Variants in SGSM3 observed in about 807,000 individuals in gnomAD.
SGSM3 encodes small G protein signaling modulator 3.
In SGSM3, 96 loss-of-function variants were observed where a neutral mutation model predicts 100.5. The observed-to-expected ratio is 0.96, with a 90% confidence interval of 0.81 to 1.13. The LOEUF (loss-of-function observed/expected upper bound fraction) is 1.13. Ranked by LOEUF, SGSM3 falls within the 50% of genes most tolerant of loss-of-function variation. The probability of loss-of-function intolerance (pLI) is 0.00; values close to 1 mark genes in which losing one functional copy is unlikely to be tolerated. For missense variants in SGSM3, 1,001 were observed against 1,015.8 expected, an observed-to-expected ratio of 0.99 and a Z score of 0.20; for synonymous variants, 483 against 422.8, an observed-to-expected ratio of 1.14 and a Z score of -1.75.
At chr22:40,371,743 C>T (rs545748848) in intron 1 of SGSM3, among the ~76,000 whole-genome samples, 3,107 of 151,994 alleles carry the variant, frequency 0.02, 118 homozygotes, top group African/African-American at 0.071. Context: ...CTTGCCCGGG[C>T]TGGAGTGCAA....
chr22:40,405,087 C>T, intron 6 of SGSM3, 54 bp from the exon 7 acceptor site: 1 of 1,463,312 alleles, frequency 6.8e-7, no homozygotes, highest in Non-Finnish European at 9.0e-7. Flanking sequence ...GTCTGCCTCC[C>T]TCCCAGGGTG....
intron 8 of SGSM3, 106 bp from the exon 9 acceptor site, chr22:40,405,972 G>GC: frequency 1.3e-6 from 2 of 1,502,984 alleles, no homozygotes; most frequent in Non-Finnish European, 1.8e-6. Context: ...GGTGTTCCCT[G>GC]CCCCCTCCCC....
intron 1 of SGSM3, among the ~76,000 whole-genome samples, chr22:40,380,381 T>C (rs911130774): frequency 2.6e-5 from 4 of 151,124 alleles, no homozygotes; most frequent in South Asian, 2.1e-4. Flanking sequence ...TTTTTTTTTT[T>C]CCTGAGACAG....
intron 10 of SGSM3, 156 bp from the exon 11 acceptor site, chr22:40,406,861 G>A (rs777163262): frequency 3.1e-5 from 28 of 913,308 alleles, no homozygotes; most frequent in South Asian, 1.5e-4. Flanking sequence ...ATCCTGGCAC[G>A]GTTTGGGAGG....
At chr22:40,400,875 T>A (rs2050656878) in intron 2 of SGSM3, 62 bp downstream of exon 2, 2 of 1,463,540 alleles carry the variant, frequency 1.4e-6, no homozygotes, top group East Asian at 5.2e-5. Flanking sequence ...GCCAGAGGGA[T>A]GGAAGGTGGC....
At chr22:40,386,024 T>C (rs1363614822) in intron 1 of SGSM3, among the ~76,000 whole-genome samples, 2 of 141,174 alleles carry the variant, frequency 1.4e-5, no homozygotes, top group Admixed American at 8.1e-5. Flanking sequence ...GCTAATTTTT[T>C]GTTTTTTTTT....
rs1461553532 is a variant in SGSM3 at position 40,370,700 on chromosome 22, G to A, written c.-112+12G>A. The A allele has an allele frequency of 6.6e-6, 1 of 152,640 alleles. No individual in the cohort carries two copies. Among genetic ancestry groups the A allele is most frequent in the Non-Finnish European group, 1.5e-5 (1 of 68,344 alleles). 9.5% of individuals were successfully genotyped at this position (152,640 alleles called of 1,614,324 possible). ...GGCCCGTGGGGCAGGTGAGTGCGGG[G>A]CGGGAGTCAGCGGAGACCCACCGGC... On this transcript the variant is annotated intron_variant, in intron 1 of 21. Coordinates refer to ENST00000248929, the MANE Select transcript of SGSM3 (RefSeq NM_015705.6).
At chr22:40,384,480 T>A (rs956643056) in intron 1 of SGSM3, among the ~76,000 whole-genome samples, 1 of 151,844 alleles carries the variant, frequency 6.6e-6, no homozygotes, top group Non-Finnish European at 1.5e-5. Context: ...TAAAAAAAAA[T>A]TAAAAAGAAA....
chr22:40,396,721 T>A (rs1052591801), intron 1 of SGSM3, among the ~76,000 whole-genome samples: 10 of 149,682 alleles, frequency 6.7e-5, no homozygotes, highest in African/African-American at 2.5e-4. Flanking sequence ...GTTAAGAAAA[T>A]AGGACACAGG....
At chr22:40,404,167 C>T in intron 4 of SGSM3, 80 bp from the exon 5 acceptor site, 6 of 1,244,764 alleles carry the variant, frequency 4.8e-6, no homozygotes, top group Non-Finnish European at 5.5e-6. Context: ...CTCAGACCCT[C>T]CTGAAGACGG....
intron 8 of SGSM3, 41 bp downstream of exon 8, chr22:40,405,885 G>C: frequency 6.3e-7 from 1 of 1,577,554 alleles, no homozygotes. Flanking sequence ...TCTGCAGCTT[G>C]GAGGACTCAG....
At position 40,409,751 on chromosome 22, in the gene SGSM3, G is replaced by C. The variant is rs775302767; in HGVS notation, c.2242G>C (p.Asp748His). 5 of 1,608,342 alleles carry C rather than the reference G, an allele frequency of 3.1e-6. No homozygotes were observed. Among genetic ancestry groups the C allele is most frequent in the Non-Finnish European group, 4.2e-6 (5 of 1,179,390 alleles). ...VKHHLFSWDVDG is the reference protein window; with the variant it reads ...VKHHLFSWDVHG ...GCACCACCTCTTCAGCTGGGATGTG[G>C]ACGGGTGACCCCCTCCTCCCCAGCC... Residue 748 changes from aspartate to histidine, a missense_variant, in exon 22 of 22, where the codon GAC becomes CAC. By Grantham distance (81) the Asp-to-His change is moderately conservative. Coordinates refer to ENST00000248929, the MANE Select transcript of SGSM3 (RefSeq NM_015705.6).
rs761443836 is a variant in SGSM3 at position 40,407,877 on chromosome 22, G to C, written c.1579+34G>C. On this transcript the variant is annotated intron_variant, in intron 14 of 21. Transcript: ENST00000248929. This position sits in a 1 kb window ranked among gnomAD's most constrained non-coding sequence, Gnocchi z 4.7. ...CTTGGTCTGCTCTTGAGCTGGGAGA[G>C]GGAGGAGGGGGTGGGCACAGAAGAC... 4 of 1,585,536 alleles carry C rather than the reference G, an allele frequency of 2.5e-6. No individual in the cohort carries two copies. In the South Asian group the frequency reaches 4.5e-5, roughly 18 times the overall value.
In SGSM3 at chr22:40,407,932, T is replaced by A; in HGVS notation, c.1579+89T>A. The A allele has an allele frequency of 6.8e-7, 1 of 1,471,424 alleles. No homozygotes were observed. The highest frequency in any genetic ancestry group is 1.2e-5 in the South Asian group (1 of 80,710). The allele number at this position is 1,471,424 out of a possible 1,614,324, so 91.1% of individuals were successfully genotyped here. Reference sequence around the variant, plus strand: ...GTGACCCTGGCCGCCACCAAGCTGTTCTCCTCTATACACCTGCCTGGCTTG... The same window carrying A: ...GTGACCCTGGCCGCCACCAAGCTGTACTCCTCTATACACCTGCCTGGCTTG... On this transcript the variant is annotated intron_variant, in intron 14 of 21. Transcript: ENST00000248929. The surrounding 1 kb of genome is among the most constrained non-coding windows in gnomAD (Gnocchi z 4.7).
chr22:40,407,972 G>A lies in SGSM3; in HGVS notation c.1580-99G>A, dbSNP rs1602123301. 5.4e-6 allele frequency: 8 copies of A among 1,472,240 alleles called. No individual in the cohort carries two copies. In the East Asian group the frequency reaches 1.8e-4, roughly 33 times the overall value. 91.2% of individuals were successfully genotyped at this position (1,472,240 alleles called of 1,614,324 possible). On this transcript the variant is annotated intron_variant, in intron 14 of 21. Transcript: ENST00000248929. The surrounding 1 kb of genome is among the most constrained non-coding windows in gnomAD (Gnocchi z 4.7). ...TGCCTGGCTTGAGGTCCCTGAAGCA[G>A]CTGAGCCGGCTTCCCACTGCCTCAG...
chr22:40,406,736 CG>C, intron 10 of SGSM3, 74 bp downstream of exon 10: 2 of 1,279,050 alleles, frequency 1.6e-6, no homozygotes, highest in Non-Finnish European at 1.1e-6. Flanking sequence ...GTTCAGAGCG[CG>C]GGGGCTGCGG....
At chr22:40,394,120 T>C (rs1488153149) in intron 1 of SGSM3, among the ~76,000 whole-genome samples, 1 of 152,244 alleles carries the variant, frequency 6.6e-6, no homozygotes, top group Non-Finnish European at 1.5e-5. Context: ...TCCTTGGCAA[T>C]GACATCTAGT....
At chr22:40,382,588 A>G (rs1409863244) in intron 1 of SGSM3, among the ~76,000 whole-genome samples, 1 of 152,202 alleles carries the variant, frequency 6.6e-6, no homozygotes, top group African/African-American at 2.4e-5. Context: ...TTTTTATGAC[A>G]TAACCTCAGA....
At chr22:40,406,958 C>CT in intron 10 of SGSM3, 59 bp from the exon 11 acceptor site, 1 of 1,499,668 alleles carries the variant, frequency 6.7e-7, no homozygotes, top group Non-Finnish European at 9.1e-7. Context: ...AAGCCAAGGG[C>CT]TGGTGGGTTC....
Sources: allele counts gnomAD v4.1 joint callset (sites outside exome capture counted in the v4.1 genomes callset), GRCh38; gene constraint gnomAD v4.1.1; non-coding constraint Gnocchi (gnomAD v3.1); transcripts MANE v1.5; gene names NCBI Gene and HGNC (gene_info 2026-07-23, HGNC 2026-07-21).